Variants in CAMK4 observed in about 807,000 individuals in gnomAD.
The protein encoded by CAMK4 is calcium/calmodulin-dependent protein kinase type IV.
Under a neutral mutation model 44.9 loss-of-function variants are expected in CAMK4, and 22 were observed. The ratio of observed to expected loss-of-function variants is 0.49; its 90% CI spans 0.35 to 0.70. CAMK4 has a LOEUF of 0.70. Ranked by LOEUF, CAMK4 falls within the 30% of genes least tolerant of loss-of-function variation. The pLI is 0.01. For missense variants in CAMK4, 498 were observed against 586.8 expected (o/e 0.85, Z 1.56); for synonymous variants, 218 against 215.4 (o/e 1.01, Z -0.11).
intron 1 of CAMK4, among the ~76,000 whole-genome samples, chr5:111,300,516 T>A (rs192815257): frequency 2.0e-3 from 305 of 152,344 alleles, no homozygotes; most frequent in African/African-American, 7.1e-3. Context: ...AAGAAAAAAA[T>A]TTAAATTAAT....
In CAMK4 at chr5:111,298,733, C is replaced by T. The variant is rs529802921; in HGVS notation, c.162-45291C>T. Among the ~76,000 whole-genome samples, 16 of 152,346 alleles carry T rather than the reference C, an allele frequency of 1.1e-4. 1 individual carries two copies. In the South Asian group the frequency reaches 2.7e-3, roughly 26 times the overall value. ...CGGGCTCTGAATTACACCTGCATGG[C>T]GCTCCTCCTGTTAACAGATGAGGTT... On this transcript the variant is annotated intron_variant, in intron 1 of 10. Coordinates refer to ENST00000282356, the MANE Select transcript of CAMK4 (RefSeq NM_001744.6).
At chr5:111,429,406 C>T (rs1230727476) in intron 5 of CAMK4, among the ~76,000 whole-genome samples, 1 of 152,092 alleles carries the variant, frequency 6.6e-6, no homozygotes, top group Non-Finnish European at 1.5e-5. Context: ...TTCCTAGATA[C>T]ATGCAACCTA....
At chr5:111,318,485 A>G (rs745336593) in intron 1 of CAMK4, among the ~76,000 whole-genome samples, 1 of 152,150 alleles carries the variant, frequency 6.6e-6, no homozygotes, top group East Asian at 1.9e-4. Context: ...TGACTTTATT[A>G]TCTAAGCGGG....
intron 1 of CAMK4, among the ~76,000 whole-genome samples, chr5:111,229,566 A>G (rs1387993587): frequency 6.6e-6 from 1 of 152,136 alleles, no homozygotes; most frequent in African/African-American, 2.4e-5. Context: ...TTTTTGGTCA[A>G]CCAATTTCCT....
At chr5:111,257,694 C>T (rs1461760648) in intron 1 of CAMK4, among the ~76,000 whole-genome samples, 2 of 152,152 alleles carry the variant, frequency 1.3e-5, no homozygotes, top group African/African-American at 2.4e-5. Context: ...GATACATGCA[C>T]ACGTATATTC....
Position 111,297,257 on chromosome 5 carries a change from CTCT to C in CAMK4, c.162-46762_162-46760del, listed in dbSNP as rs572201911. On this transcript the variant is annotated intron_variant, in intron 1 of 10. Transcript: ENST00000282356. Reference sequence around the variant, plus strand: ...ATCCAATGGAAAACAATGAGGCATTCTCTTCTTTTTTTCCAAAAATAGCACAAT... The same window carrying C: ...ATCCAATGGAAAACAATGAGGCATTCTCTTTTTTTCCAAAAATAGCACAAT... Among the ~76,000 whole-genome samples, 284 of 152,278 alleles carry C rather than the reference CTCT, an allele frequency of 1.9e-3. 2 individuals are homozygous for C. The highest frequency in any genetic ancestry group is 6.4e-3 in the African/African-American group (267 of 41,562).
Position 111,224,384 on chromosome 5 carries a change from C to T in CAMK4, c.-100C>T. 7.1e-7 allele frequency: 1 copy of T among 1,415,316 alleles called. No individual in the cohort carries two copies. Among genetic ancestry groups the T allele is most frequent in the Non-Finnish European group, 9.2e-7 (1 of 1,090,368 alleles). 87.7% of individuals were successfully genotyped at this position (1,415,316 alleles called of 1,614,324 possible). The stretch of plus-strand genomic sequence containing the variant: ...TGTGCGCGCGTGAAGGACGCCGCCT[C>T]TCTCTCGCTCCTGCGTTCGCAGGCG... On this transcript the variant is annotated 5_prime_UTR_variant, in exon 1 of 11. Transcript: ENST00000282356. This position sits in a 1 kb window ranked among gnomAD's most constrained non-coding sequence, Gnocchi z 5.7.
chr5:111,229,012 A>C (rs753318075), intron 1 of CAMK4, among the ~76,000 whole-genome samples: 4 of 152,210 alleles, frequency 2.6e-5, no homozygotes, highest in Non-Finnish European at 5.9e-5. Flanking sequence ...TATATTCTAC[A>C]TGGTAACATG....
chr5:111,473,121 T>C (rs890749867), intron 7 of CAMK4, among the ~76,000 whole-genome samples, 190 bp from the exon 8 acceptor site: 18 of 152,056 alleles, frequency 1.2e-4, no homozygotes, highest in Admixed American at 2.6e-4. Context: ...CCAAAACAGA[T>C]AGACTATAAT....
At chr5:111,278,885 G>C (rs1236311079) in intron 1 of CAMK4, among the ~76,000 whole-genome samples, 2 of 152,096 alleles carry the variant, frequency 1.3e-5, no homozygotes, top group African/African-American at 4.8e-5. Flanking sequence ...TCTTTTAGTG[G>C]GAAAACTAAC....
intron 1 of CAMK4, among the ~76,000 whole-genome samples, chr5:111,241,731 A>G (rs1344599801): frequency 6.6e-6 from 1 of 152,222 alleles, no homozygotes; most frequent in East Asian, 1.9e-4. Flanking sequence ...GTCTTAAGTC[A>G]TTTTTGAAAA....
intron 1 of CAMK4, among the ~76,000 whole-genome samples, chr5:111,296,415 G>A (rs1436557989): frequency 4.6e-5 from 7 of 152,212 alleles, no homozygotes. Context: ...AGGGATGAAT[G>A]TTTGGGTTAC....
intron 5 of CAMK4, among the ~76,000 whole-genome samples, chr5:111,445,288 C>T (rs891189217): frequency 2.0e-5 from 3 of 151,732 alleles, no homozygotes; most frequent in African/African-American, 7.3e-5. Context: ...GGTAAGCCTT[C>T]AAAGATATTT....
intron 1 of CAMK4, among the ~76,000 whole-genome samples, chr5:111,251,795 T>G (rs1202961287): frequency 6.6e-6 from 1 of 152,208 alleles, no homozygotes; most frequent in Non-Finnish European, 1.5e-5. Flanking sequence ...TAATGAAGGT[T>G]TCCTGGTACA....
chr5:111,330,645 A>T (rs1370140721), intron 1 of CAMK4, among the ~76,000 whole-genome samples: 1 of 151,756 alleles, frequency 6.6e-6, no homozygotes, highest in Non-Finnish European at 1.5e-5. Flanking sequence ...TGCATAGATT[A>T]TATGCAAATA....
intron 5 of CAMK4, among the ~76,000 whole-genome samples, chr5:111,430,869 C>G (rs974666404): frequency 7.2e-5 from 11 of 151,932 alleles, no homozygotes; most frequent in Non-Finnish European, 5.9e-5. Context: ...TTAAAATGCC[C>G]TTACTACCCA....
chr5:111,469,018 C>G (rs1359378516), intron 7 of CAMK4, among the ~76,000 whole-genome samples: 3 of 150,838 alleles, frequency 2.0e-5, no homozygotes, highest in Non-Finnish European at 3.0e-5. Context: ...GTGGCAAGCA[C>G]CTGTAATCCC....
intron 1 of CAMK4, among the ~76,000 whole-genome samples, chr5:111,282,141 CAAAG>C (rs896286902): frequency 6.6e-6 from 1 of 151,908 alleles, no homozygotes; most frequent in African/African-American, 2.4e-5. Flanking sequence ...TGTTTTTCCT[CAAAG>C]AGAAAGTCAA....
In CAMK4 at chr5:111,353,068, C is replaced by T. The variant is rs76618176; in HGVS notation, c.240+8966C>T. ...AGTTTCTCAGTGATAAGGGTAGGTG[C>T]GGTTGGAGGTAATGCACAGAGTATA... On this transcript the variant is annotated intron_variant, in intron 2 of 10. Transcript: ENST00000282356. 3.8e-4 allele frequency among the ~76,000 whole-genome samples: 57 copies of T among 151,942 alleles called. No individual in the cohort carries two copies. The East Asian group carries it at 7.2e-3, about 19-fold the overall frequency.
Sources: allele counts gnomAD v4.1 joint callset (sites outside exome capture counted in the v4.1 genomes callset), GRCh38; gene constraint gnomAD v4.1.1; non-coding constraint Gnocchi (gnomAD v3.1); transcripts MANE v1.5; gene names NCBI Gene and HGNC (gene_info 2026-07-23, HGNC 2026-07-21).